TGFB1: variants seen among roughly 807,000 people sequenced by gnomAD.
TGFB1 encodes the protein transforming growth factor beta-1 proprotein.
A neutral mutation model predicts 43.8 loss-of-function variants in TGFB1; 19 were observed. The observed-to-expected ratio is 0.43, with a 90% CI of 0.30 to 0.64. The LOEUF (loss-of-function observed/expected upper bound fraction) is 0.64. Ranked by LOEUF, TGFB1 falls within the 30% of genes least tolerant of loss-of-function variation. The pLI is 0.11. For synonymous variants in TGFB1, 221 were observed against 236.3 expected (o/e 0.94, Z 0.60); for missense variants, 445 against 529.8 (o/e 0.84, Z 1.57).
At position 41,352,754 on chromosome 19, in the gene TGFB1, G is replaced by A. The variant is rs147873920; in HGVS notation, c.291C>T (p.Pro97=). Residue 97 remains proline, a synonymous_variant, in exon 1 of 7, where the codon CCC becomes CCT. Coordinates refer to ENST00000221930, the MANE Select transcript of TGFB1 (RefSeq NM_000660.7). The stretch of plus-strand genomic sequence containing the variant: ...TGGCGTAGTAGTCGGCCTCAGGCTC[G>A]GGCTCCGGTTCTGCACTCTCCCCGG... ...RVAGESAEPE[P]EPEADYYAKE... 4.8e-5 allele frequency: 77 copies of A among 1,613,238 alleles called. No individual in the cohort carries two copies. The African/African-American group carries it at 7.2e-4, about 15-fold the overall frequency.
chr19:41,342,046 A>T lies in TGFB1; in HGVS notation c.713-16T>A. 6.2e-7 allele frequency: 1 copy of T among 1,614,144 alleles called. No homozygotes were observed. Among genetic ancestry groups the T allele is most frequent in the Non-Finnish European group, 8.5e-7 (1 of 1,180,016 alleles). The stretch of plus-strand genomic sequence containing the variant: ...GTAGTGAACCCTGCTTTGGTGTGGG[A>T]GTCAGGGGATAGGGGACATACACAC... On this transcript the variant is annotated splice_polypyrimidine_tract_variant and intron_variant, in intron 4 of 6. Transcript: ENST00000221930.
chr19:41,349,771 C>A lies in TGFB1; in HGVS notation c.356-1316G>T, dbSNP rs569687284. Among the ~76,000 whole-genome samples the A allele has an allele frequency of 2.6e-5, 4 of 152,030 alleles. No individual in the cohort carries two copies. In the East Asian group the frequency reaches 5.8e-4, roughly 22 times the overall value. Reference sequence around the variant, plus strand: ...GACTCTGTCTCAAAAACAACAACAACAAAAAACCACAAAACAGCGCTATTT... The same window carrying A: ...GACTCTGTCTCAAAAACAACAACAAAAAAAAACCACAAAACAGCGCTATTT... On this transcript the variant is annotated intron_variant, in intron 1 of 6. Transcript: ENST00000221930.
chr19:41,331,090 G>T lies in TGFB1; in HGVS notation c.1135C>A (p.Leu379Met). Residue 379 changes from leucine to methionine, a missense_variant, in exon 7 of 7, where the codon CTG becomes ATG. By Grantham distance (15) the Leu-to-Met change is conservative. Coordinates refer to ENST00000221930, the MANE Select transcript of TGFB1 (RefSeq NM_000660.7). ...CAGGAGCGCACGATCATGTTGGACA[G>T]CTGCTCCACCTTGGGCTTGCGGCCC... ...YVGRKPKVEQ[L>M]SNMIVRSCKC... is the part of the protein sequence containing the mutation. 6.3e-7 allele frequency: 1 copy of T among 1,587,418 alleles called. No homozygotes were observed.
chr19:41,330,909 C>T lies in TGFB1; in HGVS notation c.*143G>A. On this transcript the variant is annotated 3_prime_UTR_variant, in exon 7 of 7. Transcript: ENST00000221930. ...GCAGGCGCCCAATGACACAGAGATC[C>T]GCAGTCCTCTCTCCATCTTTAATGG... 2 of 662,938 alleles carry T rather than the reference C, an allele frequency of 3.0e-6. No homozygotes were observed. Among genetic ancestry groups the T allele is most frequent in the Non-Finnish European group, 4.8e-6 (2 of 419,588 alleles). 41.1% of individuals were successfully genotyped at this position (662,938 alleles called of 1,614,324 possible).
rs2038143005 is a variant in TGFB1 at position 41,348,452 on chromosome 19, A to G, written c.359T>C (p.Ile120Thr). ...TGTACTCTGCTTGAACTTGTCATAGATTTCTAGCAGGGAGAAATGAAGGGA... is the reference window on the plus strand; with the variant it reads ...TGTACTCTGCTTGAACTTGTCATAGGTTTCTAGCAGGGAGAAATGAAGGGA... ...RVLMVETHNE[I>T]YDKFKQSTHS... Residue 120 changes from isoleucine (I) to threonine (T), a missense_variant, in exon 2 of 7, where the codon ATC becomes ACC. By Grantham distance (89) the Ile-to-Thr change is moderately conservative (BLOSUM62 -1). This residue lies in a region of TGFB1 where 366 missense variants were observed against 428.8 expected (regional missense o/e 0.85). Coordinates refer to ENST00000221930, the MANE Select transcript of TGFB1 (RefSeq NM_000660.7). 1 of 1,612,728 alleles carries G rather than the reference A, an allele frequency of 6.2e-7. No homozygotes were observed. Among genetic ancestry groups the G allele is most frequent in the Non-Finnish European group, 8.5e-7 (1 of 1,179,384 alleles).
Position 41,344,822 on chromosome 19 carries a change from G to A in TGFB1, c.559C>T (p.Leu187=), listed in dbSNP as rs759382690. The change falls in exon 3 of 7, where the codon CTG becomes TTG. Residue 187 remains leucine, a synonymous_variant. Transcript: ENST00000221930. ...CACTCTGGCGAGTCGCTGGGTGCCAGCAGCCGGTTGCTGAGGTATCGCCAG... is the reference window on the plus strand; with the variant it reads ...CACTCTGGCGAGTCGCTGGGTGCCAACAGCCGGTTGCTGAGGTATCGCCAG... ...NSWRYLSNRL[L]APSDSPEWLS... The A allele has an allele frequency of 1.9e-6, 3 of 1,609,048 alleles. No individual in the cohort carries two copies. Among genetic ancestry groups the A allele is most frequent in the East Asian group, 2.2e-5 (1 of 44,754 alleles).
chr19:41,341,392 G>A (rs565617238), intron 5 of TGFB1, among the ~76,000 whole-genome samples: 4 of 148,816 alleles, frequency 2.7e-5, no homozygotes, highest in Admixed American at 1.4e-4. Context: ...GTGTGAACCC[G>A]GGAGGTGGAG....
intron 4 of TGFB1, 45 bp downstream of exon 4, chr19:41,342,125 C>G: frequency 6.2e-7 from 1 of 1,611,740 alleles, no homozygotes; most frequent in Admixed American, 1.7e-5. Context: ...AACACACACA[C>G]GCACACACGT....
intron 1 of TGFB1, among the ~76,000 whole-genome samples, chr19:41,349,548 G>C (rs990050846): frequency 1.3e-5 from 2 of 152,170 alleles, no homozygotes; most frequent in Admixed American, 6.5e-5. Flanking sequence ...CTTGAGGTCG[G>C]GAGTTCGAGA....
At chr19:41,348,650 A>T (rs1568480124) in intron 1 of TGFB1, among the ~76,000 whole-genome samples, 195 bp from the exon 2 acceptor site, 1 of 144,820 alleles carries the variant, frequency 6.9e-6, no homozygotes, top group South Asian at 2.2e-4. Flanking sequence ...TGAGACGGAG[A>T]CTCGCTCTGT....
chr19:41,348,223 C>A, intron 2 of TGFB1, 72 bp downstream of exon 2: 1 of 1,589,424 alleles, frequency 6.3e-7, no homozygotes, highest in Non-Finnish European at 8.6e-7. Flanking sequence ...AGCCGACCCA[C>A]AGCCACCCCC....
intron 1 of TGFB1, among the ~76,000 whole-genome samples, chr19:41,348,735 T>C (rs1047424758): frequency 6.6e-6 from 1 of 151,904 alleles, no homozygotes; most frequent in African/African-American, 2.4e-5. Context: ...GCAATTCTCC[T>C]GCCTCAGCCT....
chr19:41,341,754 C>T, intron 5 of TGFB1, 129 bp downstream of exon 5: 2 of 1,260,348 alleles, frequency 1.6e-6, no homozygotes, highest in Admixed American at 3.8e-5. Flanking sequence ...CCTGAGCCCT[C>T]CAAGCTAAAG....
At chr19:41,345,182 C>T (rs569350672) in intron 2 of TGFB1, among the ~76,000 whole-genome samples, 2 of 152,288 alleles carry the variant, frequency 1.3e-5, no homozygotes, top group East Asian at 1.9e-4. Context: ...CGTGGACAGC[C>T]CACAATGCTA....
chr19:41,350,103 C>T (rs1415258087), intron 1 of TGFB1, among the ~76,000 whole-genome samples: 3 of 152,024 alleles, frequency 2.0e-5, no homozygotes, highest in Non-Finnish European at 4.4e-5. Context: ...GCCTCAGCCT[C>T]CCAATATGTT....
At position 41,346,082 on chromosome 19, in the gene TGFB1, C is replaced by T. The variant is rs866155818; in HGVS notation, c.517-1218G>A. Among the ~76,000 whole-genome samples, 11 of 149,722 alleles carry T rather than the reference C, an allele frequency of 7.3e-5. No homozygotes were observed. In the South Asian group the frequency reaches 1.9e-3, roughly 26 times the overall value. On this transcript the variant is annotated intron_variant, in intron 2 of 6. Transcript: ENST00000221930. ...AATAATTTTCTGGGCCAGGCACAGTCGCTCACGCTTGTAATCCCAGCACTT... is the reference window on the plus strand; with the variant it reads ...AATAATTTTCTGGGCCAGGCACAGTTGCTCACGCTTGTAATCCCAGCACTT...
At chr19:41,332,011 C>G in intron 6 of TGFB1, 117 bp downstream of exon 6, 2 of 1,383,518 alleles carry the variant, frequency 1.4e-6, no homozygotes, top group Non-Finnish European at 2.0e-6. Flanking sequence ...CACCCCATCC[C>G]TCTCTTTCTC....
chr19:41,350,458 C>G (rs542557177), intron 1 of TGFB1, among the ~76,000 whole-genome samples: 114 of 152,146 alleles, frequency 7.5e-4, no homozygotes, highest in Admixed American at 2.2e-3. Context: ...GCGCCGCCCG[C>G]CACCCCGCCC....
intron 5 of TGFB1, among the ~76,000 whole-genome samples, chr19:41,337,804 ATG>A (rs1347238501): frequency 6.6e-6 from 1 of 152,166 alleles, no homozygotes; most frequent in East Asian, 1.9e-4. Flanking sequence ...GAAGACCTTT[ATG>A]ATAAGCCACT....
Sources: gnomAD v4.1 joint callset for allele counts (sites outside exome capture counted in the v4.1 genomes callset) on GRCh38, gnomAD v4.1.1 for gene constraint, gnomAD v4.1.1 regional missense constraint, MANE v1.5 for transcripts, NCBI Gene and HGNC (gene_info 2026-07-23, HGNC 2026-07-21) for gene names.